OR6N1: variants seen among roughly 807,000 people sequenced by gnomAD.
OR6N1 encodes the protein olfactory receptor 6N1.
For missense variants in OR6N1, 394 were observed against 371.7 expected, an observed-to-expected ratio of 1.06 and a Z score of -0.49; for synonymous variants, 170 against 150.7, an observed-to-expected ratio of 1.13 and a Z score of -0.94.
At chr1:158,803,925 GT>G in the OR6N1 span, among the ~76,000 whole-genome samples, 1 of 152,178 alleles carries the variant, frequency 6.6e-6, no homozygotes. Context: ...AAAATGACAA[GT>G]TCTGGTATTA....
the OR6N1 span, among the ~76,000 whole-genome samples, chr1:158,799,876 G>A: frequency 1.3e-5 from 2 of 152,140 alleles, no homozygotes; most frequent in Non-Finnish European, 2.9e-5. Flanking sequence ...TACTCTATGG[G>A]AAGATAGGGC....
At chr1:158,794,217 G>A in the OR6N1 span, among the ~76,000 whole-genome samples, 1 of 152,132 alleles carries the variant, frequency 6.6e-6, no homozygotes, top group African/African-American at 2.4e-5. Flanking sequence ...GGGGAGAAAA[G>A]TCCCCTTCTC....
At chr1:158,835,407 G>A in the OR6N1 span, among the ~76,000 whole-genome samples, 5 of 151,766 alleles carry the variant, frequency 3.3e-5, no homozygotes, top group South Asian at 2.1e-4. Flanking sequence ...CTTTTTGTTC[G>A]TTGTTAGCGT....
At chr1:158,837,056 AT>A in the OR6N1 span, among the ~76,000 whole-genome samples, 6 of 151,956 alleles carry the variant, frequency 3.9e-5, no homozygotes, top group African/African-American at 7.2e-5. Flanking sequence ...TGATAAAAAA[AT>A]ATACTCTGTA....
chr1:158,829,884 A>G, the OR6N1 span, among the ~76,000 whole-genome samples: 1 of 152,224 alleles, frequency 6.6e-6, no homozygotes. Context: ...TCTTACGTAG[A>G]TGGCAGCAGG....
At chr1:158,810,105 C>T in the OR6N1 span, among the ~76,000 whole-genome samples, 3 of 152,146 alleles carry the variant, frequency 2.0e-5, no homozygotes, top group Non-Finnish European at 4.4e-5. Context: ...GAGCCTTGAG[C>T]ATTTGTTTCC....
At chr1:158,780,921 CTTGG>C in the OR6N1 span, among the ~76,000 whole-genome samples, 6 of 152,192 alleles carry the variant, frequency 3.9e-5, no homozygotes, top group Non-Finnish European at 7.3e-5. Context: ...TTGCTAATCT[CTTGG>C]TTGTAGAATG....
the OR6N1 span, among the ~76,000 whole-genome samples, chr1:158,783,726 AT>A: frequency 6.6e-6 from 1 of 152,110 alleles, no homozygotes; most frequent in Non-Finnish European, 1.5e-5. Context: ...CAGGGACTGT[AT>A]TTTTTTCAAC....
the OR6N1 span, among the ~76,000 whole-genome samples, chr1:158,802,461 G>C: frequency 1.3e-5 from 2 of 152,004 alleles, no homozygotes; most frequent in South Asian, 2.1e-4. Context: ...ACCCGCCTTG[G>C]CCTCCCCGTC....
chr1:158,838,396 G>T, the OR6N1 span, among the ~76,000 whole-genome samples: 1 of 152,016 alleles, frequency 6.6e-6, no homozygotes, highest in Non-Finnish European at 1.5e-5. Context: ...CACTTGAAAT[G>T]TATTGTCCCA....
the OR6N1 span, among the ~76,000 whole-genome samples, chr1:158,784,654 C>T: frequency 1.4e-4 from 21 of 152,222 alleles, no homozygotes; most frequent in Admixed American, 1.2e-3. Context: ...ATTTCACATA[C>T]GAATAATATT....
At chr1:158,804,138 G>A in the OR6N1 span, among the ~76,000 whole-genome samples, 4 of 152,212 alleles carry the variant, frequency 2.6e-5, no homozygotes, top group South Asian at 4.1e-4. Flanking sequence ...GCAACAAAGC[G>A]TTATCTGATT....
chr1:158,789,508 T>C, the OR6N1 span, among the ~76,000 whole-genome samples: 1 of 152,196 alleles, frequency 6.6e-6, no homozygotes, highest in South Asian at 2.1e-4. Context: ...TTTTACCCTC[T>C]CTTTTTTATA....
chr1:158,797,461 C>G, the OR6N1 span, among the ~76,000 whole-genome samples: 1 of 152,194 alleles, frequency 6.6e-6, no homozygotes, highest in Non-Finnish European at 1.5e-5. Flanking sequence ...TCTCATCCTT[C>G]TATTTGGGTT....
the OR6N1 span, among the ~76,000 whole-genome samples, chr1:158,794,915 G>T: frequency 2.5e-4 from 38 of 152,310 alleles, no homozygotes; most frequent in East Asian, 6.6e-3. Flanking sequence ...CCCAGGGAAG[G>T]TGGTCTGGCA....
chr1:158,779,997 T>G, the OR6N1 span, among the ~76,000 whole-genome samples: 1 of 152,206 alleles, frequency 6.6e-6, no homozygotes, highest in Non-Finnish European at 1.5e-5. Context: ...AATTGTGAAA[T>G]CAATTAATGT....
chr1:158,813,351 C>G, the OR6N1 span, among the ~76,000 whole-genome samples: 1 of 152,040 alleles, frequency 6.6e-6, no homozygotes, highest in African/African-American at 2.4e-5. Context: ...TAATAGAAGA[C>G]TGGAAGTGAC....
At chr1:158,808,069 A>G in the OR6N1 span, among the ~76,000 whole-genome samples, 1 of 150,910 alleles carries the variant, frequency 6.6e-6, no homozygotes, top group Non-Finnish European at 1.5e-5. Flanking sequence ...GGCTATGACA[A>G]ATTAGATCAT....
At chr1:158,805,441 T>C in the OR6N1 span, among the ~76,000 whole-genome samples, 1 of 152,308 alleles carries the variant, frequency 6.6e-6, no homozygotes, top group African/African-American at 2.4e-5. Flanking sequence ...TGATGGTATC[T>C]GTAGGACACA....
Sources: allele counts gnomAD v4.1 joint callset (sites outside exome capture counted in the v4.1 genomes callset), GRCh38; gene constraint gnomAD v4.1.1; transcripts MANE v1.5; gene names NCBI Gene and HGNC (gene_info 2026-07-23, HGNC 2026-07-21).